The following CEP63 variants were observed in gnomAD, a reference collection of about 807,000 sequenced individuals.
The protein encoded by CEP63 is centrosomal protein 63.
A neutral mutation model predicts 89.1 loss-of-function variants in CEP63; 84 were observed. The ratio of observed to expected loss-of-function variants is 0.94; its 90% CI spans 0.79 to 1.13. The LOEUF is 1.13. Among genes scored for constraint, CEP63 ranks in the 50% most tolerant of loss-of-function variants. CEP63 has a pLI of 0.00. For synonymous variants in CEP63, 267 were observed against 272.5 expected (o/e 0.98, Z 0.20); for missense variants, 838 against 813.3 (o/e 1.03, Z -0.37).
chr3:134,634,193 G>T, the CEP63 span, among the ~76,000 whole-genome samples: 48 of 152,192 alleles, frequency 3.2e-4, no homozygotes, highest in African/African-American at 1.1e-3. Flanking sequence ...TCTCAAAATT[G>T]ATCTACAGAT....
the CEP63 span, among the ~76,000 whole-genome samples, chr3:134,599,714 T>C: frequency 1.3e-5 from 2 of 152,196 alleles, no homozygotes; most frequent in Admixed American, 6.5e-5. Context: ...ATGTGAACCA[T>C]AGAGTGGCTG....
In CEP63 at chr3:134,561,471, C is replaced by G; in HGVS notation, c.2048C>G (p.Ala683Gly). Residue 683 changes from alanine (A) to glycine (G), a missense_variant, in exon 15 of 15, where the codon GCC (alanine) becomes GGC (glycine). Ala to Gly is a moderately conservative substitution (Grantham distance 60). Coordinates refer to ENST00000675561, the MANE Select transcript of CEP63 (RefSeq NM_001353108.3). ...CATCACATTCTAGAGCGCTTGGATG[C>G]CCATATTGAAGAACTAAAAAGAGAG... is the stretch of plus-strand genomic sequence containing the variant. The part of the protein sequence containing the change: ...RSHHILERLD[A>G]HIEELKRESE... The G allele has an allele frequency of 1.9e-6, 3 of 1,613,754 alleles. No individual in the cohort carries two copies. Among genetic ancestry groups the G allele is most frequent in the Non-Finnish European group, 2.5e-6 (3 of 1,179,824 alleles).
chr3:134,615,350 T>G, the CEP63 span: 1 of 18,218 alleles, frequency 5.5e-5, no homozygotes, highest in African/African-American at 1.7e-4. Flanking sequence ...TTCAAGAAGC[T>G]TTTTTTTTTT....
chr3:134,751,994 G>T, the CEP63 span, among the ~76,000 whole-genome samples: 4,810 of 152,170 alleles, frequency 0.032, 237 homozygotes, highest in African/African-American at 0.11. Flanking sequence ...GGGCAGGGAC[G>T]GGGCTTTCCT....
chr3:134,565,822 TTG>T (rs1389687572), downstream of CEP63, among the ~76,000 whole-genome samples: 2 of 152,122 alleles, frequency 1.3e-5, no homozygotes, highest in African/African-American at 2.4e-5. Context: ...CAGATTTTTT[TTG>T]TGTGTTTGAA....
At chr3:134,675,503 A>T in the CEP63 span, among the ~76,000 whole-genome samples, 1 of 152,234 alleles carries the variant, frequency 6.6e-6, no homozygotes, top group African/African-American at 2.4e-5. Context: ...ACAAAAAAGC[A>T]TGAGCAATCA....
chr3:134,562,163 C>G lies in CEP63; in HGVS notation c.*628C>G. 1 of 987,012 alleles carries G rather than the reference C, an allele frequency of 1.0e-6. No homozygotes were observed. The highest frequency in any genetic ancestry group is 1.1e-4 in the East Asian group (1 of 8,820). 61.1% of individuals were successfully genotyped at this position (987,012 alleles called of 1,614,324 possible). A position where few individuals can be genotyped will look rare whatever the true frequency, so the allele number is the denominator to read the frequency against. On this transcript the variant is annotated 3_prime_UTR_variant, in exon 15 of 15. Coordinates refer to ENST00000675561, the MANE Select transcript of CEP63 (RefSeq NM_001353108.3). ...AGGGCAAGGGACTGGCTGTCATGCACGGTGCCCATGGAATATCCATTGGAA... is the reference window on the plus strand; with the variant it reads ...AGGGCAAGGGACTGGCTGTCATGCAGGGTGCCCATGGAATATCCATTGGAA...
At chr3:134,630,403 G>GTT in the CEP63 span, among the ~76,000 whole-genome samples, 1 of 152,026 alleles carries the variant, frequency 6.6e-6, no homozygotes, top group African/African-American at 2.4e-5. Context: ...AATATTTACT[G>GTT]TTTTTTCTCT....
intron 8 of CEP63, among the ~76,000 whole-genome samples, chr3:134,546,703 T>C (rs537929766): frequency 2.2e-4 from 34 of 152,358 alleles, no homozygotes; most frequent in Non-Finnish European, 4.6e-4. Flanking sequence ...TGTTTGATCA[T>C]ATTGTGGATT....
Position 134,561,366 on chromosome 3 carries a change from G to C in CEP63, c.1954-11G>C, listed in dbSNP as rs1480775825. 8 of 1,611,790 alleles carry C rather than the reference G, an allele frequency of 5.0e-6. No homozygotes were observed. The highest frequency in any genetic ancestry group is 6.8e-6 in the Non-Finnish European group (8 of 1,178,108). On this transcript the variant is annotated splice_polypyrimidine_tract_variant and intron_variant, in intron 14 of 14. Coordinates refer to ENST00000675561, the MANE Select transcript of CEP63 (RefSeq NM_001353108.3). ...CTTATTTACACATGTCAAAATTTGT[G>C]TCTCTTCCAGTGTTCCTTGCCTGTA...
chr3:134,717,062 C>G, the CEP63 span, among the ~76,000 whole-genome samples: 2 of 152,280 alleles, frequency 1.3e-5, no homozygotes, highest in South Asian at 2.1e-4. Flanking sequence ...TAGACTAGGT[C>G]TGGCCTATTG....
chr3:134,601,385 A>G, the CEP63 span, among the ~76,000 whole-genome samples: 1 of 152,118 alleles, frequency 6.6e-6, no homozygotes, highest in Non-Finnish European at 1.5e-5. Flanking sequence ...GATTAATTAT[A>G]TTGCATATCG....
chr3:134,486,144 CGA>C lies in CEP63; in HGVS notation c.-83_-82del. 9.1e-6 allele frequency: 9 copies of C among 985,604 alleles called. No individual in the cohort carries two copies. Among genetic ancestry groups the C allele is most frequent in the Non-Finnish European group, 1.1e-5 (9 of 830,058 alleles). 61.1% of individuals were successfully genotyped at this position (985,604 alleles called of 1,614,324 possible). ...GGGGCAGTGGGCGGAACAAACGCGC[CGA>C]CTACAGAGGCTGGACGTAAGCTTAG... is the stretch of plus-strand genomic sequence containing the variant. On this transcript the variant is annotated 5_prime_UTR_variant, in exon 1 of 15. Transcript: ENST00000675561.
At chr3:134,603,303 A>G in the CEP63 span, 1 of 321,436 alleles carries the variant, frequency 3.1e-6, no homozygotes, top group Non-Finnish European at 5.7e-6. Context: ...GGGCATCTGG[A>G]TGCAGGTGTA....
intron 3 of CEP63, among the ~76,000 whole-genome samples, chr3:134,514,867 A>G (rs1945859420): frequency 6.6e-6 from 1 of 152,186 alleles, no homozygotes; most frequent in African/African-American, 2.4e-5. Context: ...GTATGGGTAA[A>G]TCTAAATGAA....
chr3:134,585,931 A>C (rs1292274854), intron 10 of CEP63, among the ~76,000 whole-genome samples: 1 of 152,136 alleles, frequency 6.6e-6, no homozygotes, highest in African/African-American at 2.4e-5. Context: ...TGTTGAATTG[A>C]TCCCTTTACC....
the CEP63 span, among the ~76,000 whole-genome samples, chr3:134,710,251 A>T: frequency 6.6e-6 from 1 of 152,204 alleles, no homozygotes; most frequent in African/African-American, 2.4e-5. Flanking sequence ...AGGGAAGGTC[A>T]AGCTGGAAGT....
At chr3:134,589,054 C>G (rs1389544557), downstream of CEP63, among the ~76,000 whole-genome samples, 2 of 152,118 alleles carry the variant, frequency 1.3e-5, no homozygotes, top group Admixed American at 1.3e-4. Context: ...AAAACTGATC[C>G]TTAATTGAAA....
chr3:134,657,163 C>G, the CEP63 span, among the ~76,000 whole-genome samples: 4 of 152,170 alleles, frequency 2.6e-5, no homozygotes, highest in Non-Finnish European at 5.9e-5. Flanking sequence ...AAGACTCTTA[C>G]ATGGCGGCAG....
Sources: allele counts gnomAD v4.1 joint callset (sites outside exome capture counted in the v4.1 genomes callset), GRCh38; gene constraint gnomAD v4.1.1; transcripts MANE v1.5; gene names NCBI Gene and HGNC (gene_info 2026-07-23, HGNC 2026-07-21).